Variants in RBMS1 observed in about 807,000 individuals in gnomAD.
RBMS1 encodes the protein RNA binding motif single stranded interacting protein 1.
Under a neutral mutation model 62.3 loss-of-function variants are expected in RBMS1, and 17 were observed. The observed-to-expected ratio is 0.27, with a 90% CI of 0.19 to 0.41. The LOEUF is 0.41. Ranked by LOEUF, RBMS1 falls within the 10% of genes least tolerant of loss-of-function variation. The probability of loss-of-function intolerance (pLI) is 1.00; values close to 1 mark genes in which losing one functional copy is unlikely to be tolerated. For synonymous variants in RBMS1, 172 were observed against 170.0 expected (o/e 1.01, Z -0.09); for missense variants, 334 against 504.5 (o/e 0.66, Z 3.24).
chr2:160,272,191 A>T lies in RBMS1; in HGVS notation c.*2581T>A, dbSNP rs1029703669. On this transcript the variant is annotated 3_prime_UTR_variant, in exon 14 of 14. Transcript: ENST00000348849. Reference sequence around the variant, plus strand: ...TTTTTATTCAAAGGTTCTCAAAAGAAATAAAACAGAAAAGCTAACAATCTG... The same window carrying T: ...TTTTTATTCAAAGGTTCTCAAAAGATATAAAACAGAAAAGCTAACAATCTG... The T allele has an allele frequency of 1.3e-5, 2 of 152,204 alleles. No individual in the cohort carries two copies. The highest frequency in any genetic ancestry group is 2.9e-5 in the Non-Finnish European group (2 of 68,030). The allele number at this position is 152,204 out of a possible 1,614,324, so 9.4% of individuals were successfully genotyped here.
At position 160,416,685 on chromosome 2, in the gene RBMS1, T is replaced by C. The variant is rs148242830; in HGVS notation, c.76-49294A>G. On this transcript the variant is annotated intron_variant, in intron 1 of 13. Transcript: ENST00000348849. Reference sequence around the variant, plus strand: ...CCTCTGACATGAAGCCCTAGAAATATAGAATTTCAGAGGTGGAAAGAATTA... The same window carrying C: ...CCTCTGACATGAAGCCCTAGAAATACAGAATTTCAGAGGTGGAAAGAATTA... Among the ~76,000 whole-genome samples the C allele has an allele frequency of 6.5e-3, 991 of 152,202 alleles. 6 individuals carry two copies. Among genetic ancestry groups the C allele is most frequent in the Non-Finnish European group, 0.011 (739 of 68,008 alleles).
chr2:160,282,378 G>A, intron 9 of RBMS1: 1 of 1,286,318 alleles, frequency 7.8e-7, no homozygotes, highest in African/African-American at 1.5e-5. Flanking sequence ...TTTCCCCATT[G>A]GGGTTGGTGG....
chr2:160,313,134 C>G (rs758718789), intron 4 of RBMS1, 22 bp downstream of exon 4: 3 of 1,608,708 alleles, frequency 1.9e-6, no homozygotes, highest in South Asian at 1.1e-5. Flanking sequence ...AACAGAGAAG[C>G]AATTGCTGGC....
At chr2:160,387,587 A>C (rs1694651168) in intron 1 of RBMS1, among the ~76,000 whole-genome samples, 1 of 152,156 alleles carries the variant, frequency 6.6e-6, no homozygotes, top group South Asian at 2.1e-4. Context: ...TGCAAATGAC[A>C]GTCTTTCCTA....
At chr2:160,425,021 C>T (rs912480518) in intron 1 of RBMS1, among the ~76,000 whole-genome samples, 2 of 152,042 alleles carry the variant, frequency 1.3e-5, no homozygotes, top group African/African-American at 4.8e-5. Context: ...CCCTATTAGA[C>T]CTTAATTTTG....
At chr2:160,338,842 AGAG>A (rs1371049000) in intron 2 of RBMS1, among the ~76,000 whole-genome samples, 1 of 152,224 alleles carries the variant, frequency 6.6e-6, no homozygotes, top group Non-Finnish European at 1.5e-5. Context: ...AATAGGCAGA[AGAG>A]GAGAGTTGAG....
rs144668584 is a variant in RBMS1, at chr2:160,272,811, C to T, written c.*1961G>A. ...ATGACTATGTAATTTTCACTAGAAT[C>T]TACACTTCTCAGAGCAGCAAGGACT... On this transcript the variant is annotated 3_prime_UTR_variant, in exon 14 of 14. Coordinates refer to ENST00000348849, the MANE Select transcript of RBMS1 (RefSeq NM_016836.4). 2.8e-3 allele frequency: 426 copies of T among 152,332 alleles called. 1 individual carries two copies. The highest frequency in any genetic ancestry group is 0.01 in the African/African-American group (417 of 41,558). The allele number at this position is 152,332 out of a possible 1,614,324, so 9.4% of individuals were successfully genotyped here.
chr2:160,377,057 T>C (rs1573959760), intron 1 of RBMS1, among the ~76,000 whole-genome samples: 1 of 152,094 alleles, frequency 6.6e-6, no homozygotes, highest in East Asian at 1.9e-4. Context: ...TGGCTGTCTC[T>C]AAGCTATACT....
chr2:160,345,709 C>A (rs746887181), intron 2 of RBMS1, among the ~76,000 whole-genome samples: 24 of 152,154 alleles, frequency 1.6e-4, no homozygotes, highest in Non-Finnish European at 2.9e-4. Flanking sequence ...AGAGAAGTTC[C>A]CCATGGGAGG....
chr2:160,339,520 G>A (rs1182122553), intron 2 of RBMS1, among the ~76,000 whole-genome samples: 1 of 152,114 alleles, frequency 6.6e-6, no homozygotes, highest in African/African-American at 2.4e-5. Context: ...AAAAGCATCT[G>A]TAAATTAATT....
chr2:160,412,628 C>T (rs957512350), intron 1 of RBMS1, among the ~76,000 whole-genome samples: 3 of 152,194 alleles, frequency 2.0e-5, no homozygotes, highest in Non-Finnish European at 4.4e-5. Flanking sequence ...TAATGCAAGA[C>T]ATTAAGTGAT....
At chr2:160,438,989 C>G (rs1445035533) in intron 1 of RBMS1, among the ~76,000 whole-genome samples, 1 of 149,654 alleles carries the variant, frequency 6.7e-6, no homozygotes, top group African/African-American at 2.5e-5. Flanking sequence ...CCTCACCTCC[C>G]GGACGGGGCG....
intron 1 of RBMS1, among the ~76,000 whole-genome samples, chr2:160,439,545 G>T (rs1384660516): frequency 1.3e-5 from 2 of 151,854 alleles, no homozygotes; most frequent in African/African-American, 2.4e-5. Flanking sequence ...ATGGCGGCCG[G>T]GCAGAGACGC....
chr2:160,392,935 G>GTTAAA (rs1255076932), intron 1 of RBMS1, among the ~76,000 whole-genome samples: 2 of 152,042 alleles, frequency 1.3e-5, no homozygotes, highest in African/African-American at 4.8e-5. Context: ...CTCTTAGAAT[G>GTTAAA]TTAAATACTA....
At chr2:160,424,077 G>A (rs530035139) in intron 1 of RBMS1, among the ~76,000 whole-genome samples, 144 of 150,698 alleles carry the variant, frequency 9.6e-4, no homozygotes, top group Middle Eastern at 3.4e-3. Context: ...GGAGTGCAGT[G>A]GTACAATCTC....
intron 1 of RBMS1, among the ~76,000 whole-genome samples, chr2:160,416,817 A>G (rs1330317422): frequency 6.6e-6 from 1 of 152,194 alleles, no homozygotes; most frequent in Non-Finnish European, 1.5e-5. Flanking sequence ...CCAATAATAA[A>G]TTCATTCCAT....
intron 2 of RBMS1, among the ~76,000 whole-genome samples, chr2:160,333,958 T>G (rs1282981766): frequency 6.6e-6 from 1 of 152,158 alleles, no homozygotes; most frequent in Non-Finnish European, 1.5e-5. Flanking sequence ...GTGCATTCAT[T>G]TTAAATGCAT....
intron 1 of RBMS1, among the ~76,000 whole-genome samples, chr2:160,389,833 G>C (rs1232057342): frequency 1.4e-5 from 2 of 146,802 alleles, no homozygotes; most frequent in Non-Finnish European, 3.0e-5. Context: ...TCTAAGATGT[G>C]TCCCCTGTAT....
chr2:160,416,646 AT>A (rs1696222454), intron 1 of RBMS1, among the ~76,000 whole-genome samples: 1 of 152,192 alleles, frequency 6.6e-6, no homozygotes, highest in South Asian at 2.1e-4. Flanking sequence ...CCTCAGGTCG[AT>A]CAGGCAACTT....
Sources: allele counts gnomAD v4.1 joint callset (sites outside exome capture counted in the v4.1 genomes callset), GRCh38; gene constraint gnomAD v4.1.1; transcripts MANE v1.5; gene names NCBI Gene and HGNC (gene_info 2026-07-23, HGNC 2026-07-21).